DCC: variants seen among roughly 807,000 people sequenced by gnomAD.
DCC encodes the protein netrin receptor DCC.
Under a neutral mutation model 172.5 loss-of-function variants are expected in DCC, and 58 were observed. That is an observed-to-expected ratio of 0.34 (90% CI 0.27 to 0.42). DCC has a LOEUF of 0.42. Ranked by LOEUF, DCC falls within the 10% of genes least tolerant of loss-of-function variation. The probability of loss-of-function intolerance (pLI) is 1.00; values close to 1 mark genes in which losing one functional copy is unlikely to be tolerated. For missense variants in DCC, 1,740 were observed against 1,791.0 expected, an observed-to-expected ratio of 0.97 and a Z score of 0.51; for synonymous variants, 709 against 644.5, an observed-to-expected ratio of 1.10 and a Z score of -1.52.
intron 1 of DCC, among the ~76,000 whole-genome samples, chr18:52,726,623 C>A (rs537348393): frequency 6.6e-6 from 1 of 152,152 alleles, no homozygotes; most frequent in African/African-American, 2.4e-5. Flanking sequence ...ATTGTTTTTG[C>A]ATTGAAACCC....
At position 53,207,689 on chromosome 18, in the gene DCC, T is replaced by C. The variant is rs1280952695; in HGVS notation, c.1733T>C (p.Val578Ala). 2 of 1,613,614 alleles carry C rather than the reference T, an allele frequency of 1.2e-6. No individual in the cohort carries two copies. The highest frequency in any genetic ancestry group is 1.7e-5 in the Admixed American group (1 of 60,000). Residue 578 changes from valine (V) to alanine (A), a missense_variant, in exon 11 of 29, where the codon GTT becomes GCT. Physicochemically the swap from Val to Ala is moderately conservative, Grantham distance 64 (BLOSUM62 0). Transcript: ENST00000442544. ...GTTTTATGTCTCCAGAATATAGAGG[T>C]TGATGGACTATCTTATAAACTGGAA... ...VSTGKEQNIE[V>A]DGLSYKLEGL...
chr18:52,894,428 C>T (rs1488875399), intron 2 of DCC, among the ~76,000 whole-genome samples: 1 of 151,040 alleles, frequency 6.6e-6, no homozygotes, highest in Non-Finnish European at 1.5e-5. Flanking sequence ...CATGCATACA[C>T]ACAATATAAG....
intron 12 of DCC, among the ~76,000 whole-genome samples, chr18:53,302,984 T>G (rs2057158583): frequency 1.3e-5 from 2 of 152,206 alleles, no homozygotes; most frequent in South Asian, 4.1e-4. Flanking sequence ...TCCACAATCT[T>G]TTTCAGACTA....
intron 17 of DCC, among the ~76,000 whole-genome samples, chr18:53,395,236 G>T (rs1038844359): frequency 6.6e-6 from 1 of 151,480 alleles, no homozygotes; most frequent in Non-Finnish European, 1.5e-5. Flanking sequence ...TTGCTCCAAA[G>T]TATTTCTAGG....
chr18:52,367,301 G>T (rs924368997), intron 1 of DCC, among the ~76,000 whole-genome samples: 1 of 152,186 alleles, frequency 6.6e-6, no homozygotes, highest in African/African-American at 2.4e-5. Context: ...ACACCTCCCT[G>T]CAAGCTGAGG....
chr18:53,374,067 T>A (rs1386172016), intron 15 of DCC, among the ~76,000 whole-genome samples: 1 of 152,162 alleles, frequency 6.6e-6, no homozygotes, highest in Non-Finnish European at 1.5e-5. Flanking sequence ...AGCAATGCCA[T>A]GGGAGGCAAA....
intron 1 of DCC, among the ~76,000 whole-genome samples, chr18:52,495,188 G>A (rs2030693420): frequency 6.6e-6 from 1 of 152,092 alleles, no homozygotes; most frequent in Non-Finnish European, 1.5e-5. Flanking sequence ...CAGAGGCTTT[G>A]TAATTAGCTT....
At chr18:52,947,649 T>C (rs2040569710) in intron 5 of DCC, among the ~76,000 whole-genome samples, 1 of 152,202 alleles carries the variant, frequency 6.6e-6, no homozygotes, top group Non-Finnish European at 1.5e-5. Flanking sequence ...TTTTCCAGCT[T>C]GGACTTTGGG....
rs867391384 is a variant in DCC at position 53,069,635 on chromosome 18, A to G, written c.1261+3469A>G. ...TCCACAAAAACAAAAAAAAAAAAAA[A>G]GAAGCTTGCAGAAACCTTCCATGAG... On this transcript the variant is annotated intron_variant, in intron 7 of 28. Coordinates refer to ENST00000442544, the MANE Select transcript of DCC (RefSeq NM_005215.4). Among the ~76,000 whole-genome samples the G allele has an allele frequency of 4.1e-4, 62 of 149,838 alleles. 1 individual carries two copies. The highest frequency in any genetic ancestry group is 7.1e-4 in the Non-Finnish European group (48 of 67,756).
At position 52,340,794 on chromosome 18, in the gene DCC, A is replaced by C; in HGVS notation, c.7A>C (p.Asn3His). The C allele has an allele frequency of 6.2e-7, 1 of 1,613,492 alleles. No homozygotes were observed. Among genetic ancestry groups the C allele is most frequent in the Non-Finnish European group, 8.5e-7 (1 of 1,179,674 alleles). The change falls in exon 1 of 29, where the codon AAT becomes CAT. Residue 3 changes from asparagine to histidine, a missense_variant. Asn to His is a moderately conservative substitution (Grantham distance 68). This residue lies in a region of DCC where 1,732 missense variants were observed against 1,767.4 expected (regional missense o/e 0.98). Transcript: ENST00000442544. ...CGAAGGTGTTGGCTGAAATATGGAG[A>C]ATAGTCTTAGATGTGTTTGGGTACC... Reference protein sequence around the residue: MENSLRCVWVPKL... With the variant: MEHSLRCVWVPKL...
intron 27 of DCC, among the ~76,000 whole-genome samples, chr18:53,525,289 C>CTAGA (rs992428402): frequency 6.6e-5 from 10 of 152,042 alleles, no homozygotes; most frequent in Admixed American, 6.6e-4. Context: ...TGGCATAGAT[C>CTAGA]TAGACTTTTG....
chr18:52,990,852 G>T (rs951287293), intron 5 of DCC, among the ~76,000 whole-genome samples: 23 of 152,124 alleles, frequency 1.5e-4, no homozygotes, highest in African/African-American at 4.6e-4. Flanking sequence ...GCCAATAGAA[G>T]AAATAATAGT....
At chr18:52,800,708 T>C (rs1182085956) in intron 2 of DCC, among the ~76,000 whole-genome samples, 3 of 152,196 alleles carry the variant, frequency 2.0e-5, no homozygotes, top group Non-Finnish European at 4.4e-5. Context: ...TATCACCTTG[T>C]TTTCATAAGT....
At chr18:53,441,562 G>A (rs1235381110) in intron 22 of DCC, among the ~76,000 whole-genome samples, 1 of 152,028 alleles carries the variant, frequency 6.6e-6, no homozygotes, top group Non-Finnish European at 1.5e-5. Flanking sequence ...CTCAAGACAT[G>A]AGGACTACTA....
Position 53,205,303 on chromosome 18 carries a change from C to G in DCC, c.1661C>G (p.Ala554Gly), listed in dbSNP as rs1364291648. 1 of 1,613,866 alleles carries G rather than the reference C, an allele frequency of 6.2e-7. No homozygotes were observed. The highest frequency in any genetic ancestry group is 1.1e-5 in the South Asian group (1 of 91,082). Residue 554 changes from alanine to glycine, a missense_variant, in exon 10 of 29, where the codon GCA becomes GGA. Coordinates refer to ENST00000442544, the MANE Select transcript of DCC (RefSeq NM_005215.4). ...ATTACCTGGGAACCCCCTGCCTATG[C>G]AAACGGTCCAGTCCAAGGTTACAGA... ...ILITWEPPAYANGPVQGYRLF... is the reference protein window; with the variant it reads ...ILITWEPPAYGNGPVQGYRLF...
intron 5 of DCC, among the ~76,000 whole-genome samples, chr18:52,949,789 C>T (rs772250946): frequency 6.6e-5 from 10 of 152,218 alleles, no homozygotes; most frequent in Non-Finnish European, 1.5e-4. Context: ...TATATTTTGC[C>T]TGTTGCCAAA....
intron 18 of DCC, among the ~76,000 whole-genome samples, chr18:53,400,129 C>A (rs115508419): frequency 6.6e-6 from 1 of 152,024 alleles, no homozygotes; most frequent in African/African-American, 2.4e-5. Context: ...GAAATATAAT[C>A]ATAAAATTGT....
At chr18:52,621,818 A>G (rs1292768452) in intron 1 of DCC, among the ~76,000 whole-genome samples, 1 of 152,184 alleles carries the variant, frequency 6.6e-6, no homozygotes, top group Admixed American at 6.5e-5. Flanking sequence ...AGGCTTCCTC[A>G]CAACTTCCTT....
chr18:52,913,813 T>C (rs9955001), intron 3 of DCC, among the ~76,000 whole-genome samples: 60,406 of 151,778 alleles, frequency 0.4, 12,588 homozygotes, highest in Non-Finnish European at 0.47. Flanking sequence ...CAAGAAAACC[T>C]CCCTGAGGGT....
Sources: gnomAD v4.1 joint callset for allele counts (sites outside exome capture counted in the v4.1 genomes callset) on GRCh38, gnomAD v4.1.1 for gene constraint, gnomAD v4.1.1 regional missense constraint, MANE v1.5 for transcripts, NCBI Gene and HGNC (gene_info 2026-07-23, HGNC 2026-07-21) for gene names.